CUX1: variants seen among roughly 807,000 people sequenced by gnomAD.
The protein encoded by CUX1 is protein CASP.
CUX1 carries 31 observed loss-of-function variants against 158.8 expected under a neutral mutation model. The observed-to-expected ratio is 0.20, with a 90% CI of 0.15 to 0.26. The LOEUF is 0.26. CUX1 is among the 10% of genes least tolerant of loss of function. CUX1 has a pLI of 1.00. For missense variants in CUX1, 1,589 were observed against 2,014.6 expected (o/e 0.79, Z 4.04); for synonymous variants, 879 against 862.1 (o/e 1.02, Z -0.34).
At chr7:101,954,403 G>A (rs1809498255) in intron 2 of CUX1, among the ~76,000 whole-genome samples, 1 of 152,216 alleles carries the variant, frequency 6.6e-6, no homozygotes, top group East Asian at 1.9e-4. Context: ...TAGCCACTGT[G>A]ATTATTCTAT....
intron 22 of CUX1, among the ~76,000 whole-genome samples, chr7:102,235,627 G>A (rs449785): frequency 0.48 from 72,841 of 150,494 alleles, 19,835 homozygotes; most frequent in East Asian, 0.92. Flanking sequence ...GCTTGAACCT[G>A]GGAGGAGGAG....
intron 3 of CUX1, among the ~76,000 whole-genome samples, chr7:102,068,807 C>T (rs1825823636): frequency 6.6e-6 from 1 of 152,128 alleles, no homozygotes; most frequent in Non-Finnish European, 1.5e-5. Context: ...TGCAGTCTTG[C>T]GTGTTTCGGC....
chr7:102,107,584 G>A (rs1256617230), intron 6 of CUX1, among the ~76,000 whole-genome samples: 3 of 152,080 alleles, frequency 2.0e-5, no homozygotes, highest in East Asian at 3.9e-4. Context: ...GCCAGCTCCC[G>A]CCCACCCGGG....
At chr7:102,010,281 G>A (rs1462246375) in intron 2 of CUX1, among the ~76,000 whole-genome samples, 1 of 151,658 alleles carries the variant, frequency 6.6e-6, no homozygotes, top group African/African-American at 2.4e-5. Context: ...TGTAGCCCCA[G>A]CTACTCAGGA....
chr7:102,046,396 C>A (rs1301559564), intron 3 of CUX1, among the ~76,000 whole-genome samples: 1 of 151,970 alleles, frequency 6.6e-6, no homozygotes, highest in Non-Finnish European at 1.5e-5. Flanking sequence ...CCACACCTGG[C>A]TAATTTTTAT....
intron 23 of CUX1, among the ~76,000 whole-genome samples, chr7:102,245,168 G>T (rs1480971158): frequency 6.6e-6 from 1 of 152,084 alleles, no homozygotes; most frequent in African/African-American, 2.4e-5. Flanking sequence ...TGAGCCTCAG[G>T]AGTAGCTGGG....
intron 8 of CUX1, chr7:102,153,745 G>T (rs1300489424): frequency 6.6e-6 from 1 of 152,208 alleles, no homozygotes; most frequent in Non-Finnish European, 1.5e-5. Flanking sequence ...AGAGCGGCTG[G>T]TATCCCTGGA....
At chr7:101,976,280 G>A (rs1290530955) in intron 2 of CUX1, among the ~76,000 whole-genome samples, 1 of 152,180 alleles carries the variant, frequency 6.6e-6, no homozygotes, top group Admixed American at 6.5e-5. Context: ...GTTTCACTTG[G>A]TTTTTGAATC....
intron 3 of CUX1, among the ~76,000 whole-genome samples, chr7:102,045,113 G>A (rs1274370062): frequency 1.3e-5 from 2 of 152,190 alleles, no homozygotes; most frequent in African/African-American, 2.4e-5. Context: ...CTGTAAGTTC[G>A]CGCCATGATG....
chr7:102,060,608 AACACACACACACACAC>A (rs58786987), intron 3 of CUX1, among the ~76,000 whole-genome samples: 3 of 133,214 alleles, frequency 2.3e-5, no homozygotes, highest in Non-Finnish European at 4.9e-5. Context: ...CACACAAATA[AACACACACACACACAC>A]ACACACACAC....
chr7:102,272,736 C>T (rs1238848303), intron 14 of CUX1, among the ~76,000 whole-genome samples: 1 of 152,166 alleles, frequency 6.6e-6, no homozygotes, highest in Non-Finnish European at 1.5e-5. Context: ...TAAAGATGAC[C>T]CTGGCACCTG....
chr7:102,141,991 A>G (rs1834519951), intron 8 of CUX1, among the ~76,000 whole-genome samples: 1 of 151,986 alleles, frequency 6.6e-6, no homozygotes, highest in South Asian at 2.1e-4. Context: ...GGAGAAAGTC[A>G]TTAGAAACCC....
chr7:102,139,786 G>A (rs1554499715), intron 8 of CUX1, among the ~76,000 whole-genome samples: 1 of 151,788 alleles, frequency 6.6e-6, no homozygotes, highest in African/African-American at 2.4e-5. Flanking sequence ...TAAGTGGCTG[G>A]TTCTACAGGG....
At position 102,257,756 on chromosome 7, in the gene CUX1, G is replaced by C. The variant is rs782731277; in HGVS notation, c.*8714G>C. 4.1e-6 allele frequency: 4 copies of C among 984,648 alleles called. No homozygotes were observed. The highest frequency in any genetic ancestry group is 1.0e-3 in the Middle Eastern group (2 of 1,984). The allele number at this position is 984,648 out of a possible 1,614,324, so 61.0% of individuals were successfully genotyped here. Reference sequence around the variant, plus strand: ...TTTTGTCACGTCTTACATTTTAGCAGTATTTTATATTTTCTGTAACGCACC... The same window carrying C: ...TTTTGTCACGTCTTACATTTTAGCACTATTTTATATTTTCTGTAACGCACC... On this transcript the variant is annotated 3_prime_UTR_variant, in exon 24 of 24. Transcript: ENST00000292535.
At chr7:102,243,891 G>A (rs1046827349) in intron 23 of CUX1, among the ~76,000 whole-genome samples, 4 of 151,966 alleles carry the variant, frequency 2.6e-5, no homozygotes, top group African/African-American at 7.3e-5. Context: ...GCCCGGTGTG[G>A]TGGCACATGC....
At chr7:102,242,376 A>T in intron 23 of CUX1, among the ~76,000 whole-genome samples, 1 of 151,816 alleles carries the variant, frequency 6.6e-6, no homozygotes. Flanking sequence ...TGCCCGGCTA[A>T]TTTTTTGTAT....
At chr7:101,983,657 A>G (rs1209807678) in intron 2 of CUX1, among the ~76,000 whole-genome samples, 3 of 152,160 alleles carry the variant, frequency 2.0e-5, no homozygotes, top group African/African-American at 7.2e-5. Flanking sequence ...ATGGAAGGCA[A>G]AGAGGACTTG....
chr7:101,984,738 TA>T (rs1189743017), intron 2 of CUX1, among the ~76,000 whole-genome samples: 1 of 152,048 alleles, frequency 6.6e-6, no homozygotes, highest in Non-Finnish European at 1.5e-5. Flanking sequence ...AACTCAGTCG[TA>T]AAAAACAGCA....
chr7:102,232,745 T>C (rs1053267039), intron 21 of CUX1, among the ~76,000 whole-genome samples: 6 of 152,242 alleles, frequency 3.9e-5, no homozygotes, highest in Admixed American at 2.0e-4. Flanking sequence ...AATGCGGCTG[T>C]GCTCTCCATA....
Sources: allele counts gnomAD v4.1 joint callset (sites outside exome capture counted in the v4.1 genomes callset), GRCh38; gene constraint gnomAD v4.1.1; transcripts MANE v1.5; gene names NCBI Gene and HGNC (gene_info 2026-07-23, HGNC 2026-07-21).